The following PCNT variants were observed in gnomAD, a reference collection of about 807,000 sequenced individuals.
The protein encoded by PCNT is pericentrin.
In PCNT, 319 loss-of-function variants were observed where a neutral mutation model predicts 380.4. The observed-to-expected ratio is 0.84, with a 90% CI of 0.77 to 0.92. The LOEUF (loss-of-function observed/expected upper bound fraction) is 0.92, where lower values mean the gene tolerates loss of function less well. PCNT is among the 40% of genes least tolerant of loss of function. PCNT has a pLI of 0.00. For missense variants in PCNT, 4,400 were observed against 4,255.3 expected (o/e 1.03, Z -0.95); for synonymous variants, 1,845 against 1,735.2 (o/e 1.06, Z -1.57).
Position 46,402,453 on chromosome 21 carries a change from A to C in PCNT, c.5085A>C (p.Arg1695Ser). Residue 1695 changes from arginine (R) to serine (S), a missense_variant, in exon 27 of 47, where the codon AGA becomes AGC. Transcript: ENST00000359568. ...MQNSQTAVSLRELEEENTSLK... is the reference protein window; with the variant it reads ...MQNSQTAVSLSELEEENTSLK... ...ACAGCCAGACTGCTGTCAGCCTCAG[A>C]GAACTTGAGGAAGAGAACACGAGCT... is the stretch of plus-strand genomic sequence containing the variant. The C allele has an allele frequency of 6.2e-7, 1 of 1,614,082 alleles. No homozygotes were observed. Among genetic ancestry groups the C allele is most frequent in the East Asian group, 2.2e-5 (1 of 44,874 alleles).
rs183332009 is a variant in PCNT at position 46,374,549 on chromosome 21, C to T, written c.3166-7145C>T. Among the ~76,000 whole-genome samples the T allele has an allele frequency of 3.9e-4, 60 of 152,216 alleles. No individual in the cohort carries two copies. The East Asian group carries it at 4.1e-3, about 10-fold the overall frequency. On this transcript the variant is annotated intron_variant, in intron 15 of 46. Transcript: ENST00000359568. ...CCTGGTCTTTCCTCAGGCTTTACAC[C>T]GTGAAAAGACATAACACAAGCTGGC...
chr21:46,430,036 CAGG>C lies in PCNT; in HGVS notation c.7720_7722del (p.Glu2574del). 2 of 1,614,182 alleles carry C rather than the reference CAGG, an allele frequency of 1.2e-6. No individual in the cohort carries two copies. The highest frequency in any genetic ancestry group is 1.1e-5 in the South Asian group (1 of 91,090). ...TGAACTGCTGGCTTATAAAGTAGAG[CAGG>C]AGAAGTGCATTGCTGGTGACTTGCA... is the stretch of plus-strand genomic sequence containing the variant. On this transcript the variant is annotated inframe_deletion, in exon 36 of 47. Coordinates refer to ENST00000359568, the MANE Select transcript of PCNT (RefSeq NM_006031.6).
At position 46,428,407 on chromosome 21, in the gene PCNT, G is replaced by A. The variant is rs554282654; in HGVS notation, c.7507G>A (p.Glu2503Lys). The A allele has an allele frequency of 9.3e-6, 15 of 1,612,394 alleles. No homozygotes were observed. Among genetic ancestry groups the A allele is most frequent in the East Asian group, 4.5e-5 (2 of 44,874 alleles). ...KIIREQGDLQEKSLEHLRLPD... is the reference protein window; with the variant it reads ...KIIREQGDLQKKSLEHLRLPD... The stretch of plus-strand genomic sequence containing the variant: ...ATTGTGCCCCCAGGGAGACCTGCAG[G>A]AAAAGTCCCTGGAGCATCTTCGCTT... Residue 2503 changes from glutamate to lysine, a missense_variant, in exon 35 of 47, where the codon GAA (glutamate) becomes AAA (lysine). Glu to Lys is a moderately conservative substitution (Grantham distance 56). Transcript: ENST00000359568.
At position 46,349,806 on chromosome 21, in the gene PCNT, G is replaced by A; in HGVS notation, c.1330G>A (p.Glu444Lys). 3.1e-6 allele frequency: 5 copies of A among 1,614,174 alleles called. No homozygotes were observed. Among genetic ancestry groups the A allele is most frequent in the South Asian group, 1.1e-5 (1 of 91,088 alleles). The change falls in exon 8 of 47, where the codon GAA becomes AAA. Residue 444 changes from glutamate to lysine, a missense_variant. Physicochemically the swap from Glu to Lys is moderately conservative, Grantham distance 56. Transcript: ENST00000359568. The part of the protein sequence containing the change: ...LEFKFKESEK[E>K]KQLELENLQA... Reference sequence around the variant, plus strand: ...GTTCAAGTTCAAAGAGAGCGAGAAAGAAAAACAGCTGGAGGTGGGCAGCAG... The same window carrying A: ...GTTCAAGTTCAAAGAGAGCGAGAAAAAAAAACAGCTGGAGGTGGGCAGCAG...
chr21:46,362,773 T>C (rs1399409418), intron 13 of PCNT, among the ~76,000 whole-genome samples: 1 of 151,846 alleles, frequency 6.6e-6, no homozygotes, highest in African/African-American at 2.4e-5. Flanking sequence ...CAGAACCCTG[T>C]CTCTATAAAG....
intron 37 of PCNT, chr21:46,430,901 C>G: frequency 1.0e-6 from 1 of 985,422 alleles, no homozygotes; most frequent in Non-Finnish European, 1.2e-6. Context: ...GAGCCCCCCC[C>G]CGTCCCTGAG....
At position 46,381,730 on chromosome 21, in the gene PCNT, G is replaced by T. The variant is rs1215854055; in HGVS notation, c.3202G>T (p.Glu1068Ter). The change falls in exon 16 of 47, where the codon GAA (glutamate) becomes TAA (stop). Residue 1068 changes from glutamate (E) to a stop codon, truncating the protein, a stop_gained. Coordinates refer to ENST00000359568, the MANE Select transcript of PCNT (RefSeq NM_006031.6). LOFTEE classifies it high-confidence loss of function. ...FGSEKKTALHEKEETLRLQSA... is the reference protein window; with the variant it reads ...FGSEKKTALH ...AAGTGAAAAGAAAACTGCTTTGCAT[G>T]AAAAAGAGGAGACACTTCGGCTTCA... is the stretch of plus-strand genomic sequence containing the variant. The T allele has an allele frequency of 7.4e-6, 12 of 1,614,022 alleles. No homozygotes were observed. Among genetic ancestry groups the T allele is most frequent in the Non-Finnish European group, 1.0e-5 (12 of 1,179,964 alleles).
At chr21:46,387,933 G>A (rs1256958971) in intron 17 of PCNT, among the ~76,000 whole-genome samples, 3 of 152,052 alleles carry the variant, frequency 2.0e-5, no homozygotes, top group Admixed American at 6.5e-5. Flanking sequence ...CATCCCAGCC[G>A]GGCGCAGTGG....
In PCNT at chr21:46,398,100, G is replaced by T. The variant is rs776469760; in HGVS notation, c.4533G>T (p.Lys1511Asn). 10 of 1,602,692 alleles carry T rather than the reference G, an allele frequency of 6.2e-6. No homozygotes were observed. Among genetic ancestry groups the T allele is most frequent in the Non-Finnish European group, 8.5e-6 (10 of 1,175,584 alleles). ...AGGGGCAGCTCCGCCAGGCGGCCAA[G>T]CCGCAGCCCTGGGGCCCTCGCGACA... ...RLEGQLRQAA[K>N]PQPWGPRDSQ... Residue 1511 changes from lysine to asparagine, a missense_variant, in exon 23 of 47, where the codon AAG (lysine) becomes AAT (asparagine). Transcript: ENST00000359568.
chr21:46,432,215 G>A lies in PCNT; in HGVS notation c.8751G>A (p.Leu2917=). Residue 2917 remains leucine (L), a splice_region_variant and synonymous_variant, in exon 38 of 47, where the codon CTG becomes CTA. Transcript: ENST00000359568. ...AGTGGCAGAGAGACAAGGAGAAGCT[G>A]GTGAGAGCCGCCTGCCGGCGGAGCG... The part of the protein sequence containing the change: ...WRKWQRDKEK[L]RELELQRQRD... 1 of 1,605,860 alleles carries A rather than the reference G, an allele frequency of 6.2e-7. No homozygotes were observed. Among genetic ancestry groups the A allele is most frequent in the Non-Finnish European group, 8.5e-7 (1 of 1,177,336 alleles).
chr21:46,324,902 A>C (rs1333982398), intron 1 of PCNT: 8 of 985,338 alleles, frequency 8.1e-6, no homozygotes, highest in Non-Finnish European at 9.6e-6. Flanking sequence ...TGCAGTCCTT[A>C]CTGTGTGAAA....
Position 46,411,251 on chromosome 21 carries a change from G to C in PCNT, c.5178G>C (p.Glu1726Asp). The C allele has an allele frequency of 6.2e-7, 1 of 1,614,216 alleles. No individual in the cohort carries two copies. Residue 1726 changes from glutamate (E) to aspartate (D), a missense_variant, in exon 28 of 47, where the codon GAG (glutamate) becomes GAC (aspartate). Glu to Asp is a conservative substitution (Grantham distance 45, BLOSUM62 2). Coordinates refer to ENST00000359568, the MANE Select transcript of PCNT (RefSeq NM_006031.6). ...AAGCCACTATTGAAAATCTGCAAGA[G>C]AATCAGAAACGATTACAAAAGGAGA... ...ELKATIENLQ[E>D]NQKRLQKEKA...
intron 15 of PCNT, among the ~76,000 whole-genome samples, chr21:46,375,131 T>A (rs1333125054): frequency 6.6e-6 from 1 of 152,164 alleles, no homozygotes; most frequent in African/African-American, 2.4e-5. Flanking sequence ...TTCTTTTTGA[T>A]AGAAGTATGT....
chr21:46,324,982 C>G lies in PCNT; in HGVS notation c.54+700C>G, dbSNP rs564434644. On this transcript the variant is annotated intron_variant, in intron 1 of 46. Coordinates refer to ENST00000359568, the MANE Select transcript of PCNT (RefSeq NM_006031.6). ...GGGCTCGCGTCCTGCCCGTCCGGGC[C>G]TGGCGTACGCTGCCGGGAACCCACG... 1.0e-3 allele frequency: 836 copies of G among 833,430 alleles called. 7 individuals carry two copies. The African/African-American group carries it at 0.046, about 46-fold the overall frequency. The allele number at this position is 833,430 out of a possible 1,614,324, so 51.6% of individuals were successfully genotyped here.
At chr21:46,343,024 T>C (rs1036728835) in intron 3 of PCNT, among the ~76,000 whole-genome samples, 2 of 152,234 alleles carry the variant, frequency 1.3e-5, no homozygotes, top group Admixed American at 6.5e-5. Flanking sequence ...TTTCGTGTCC[T>C]GAAACTTTAC....
At chr21:46,420,791 G>A (rs2087218677) in intron 31 of PCNT, 1 of 152,328 alleles carries the variant, frequency 6.6e-6, no homozygotes, top group Non-Finnish European at 1.5e-5. Flanking sequence ...ACACGCTGTG[G>A]GAGCCGCAGC....
At chr21:46,375,801 C>T (rs960013423) in intron 15 of PCNT, among the ~76,000 whole-genome samples, 10 of 152,248 alleles carry the variant, frequency 6.6e-5, no homozygotes, top group Admixed American at 5.9e-4. Context: ...CCTCATTTGG[C>T]CTCCACCACC....
rs553359317 is a variant in PCNT at position 46,363,821 on chromosome 21, C to T, written c.2496C>T (p.Asp832=). ...QQLEQDLTSD[D]ALHCSQCGRE... ...TGGAACAGGACCTCACTTCAGACGA[C>T]GCCCTGCATTGCAGCCAGTGTGGGC... is the stretch of plus-strand genomic sequence containing the variant. Residue 832 remains aspartate, a synonymous_variant, in exon 14 of 47, where the codon GAC becomes GAT. Coordinates refer to ENST00000359568, the MANE Select transcript of PCNT (RefSeq NM_006031.6). 34 of 1,612,480 alleles carry T rather than the reference C, an allele frequency of 2.1e-5. No homozygotes were observed. Among genetic ancestry groups the T allele is most frequent in the East Asian group, 2.0e-4 (9 of 44,872 alleles).
chr21:46,380,123 T>C (rs2085466896), intron 15 of PCNT, among the ~76,000 whole-genome samples: 1 of 150,606 alleles, frequency 6.6e-6, no homozygotes, highest in Admixed American at 6.6e-5. Context: ...ACTGACTGTT[T>C]CCAACCGGTG....
Sources: gnomAD v4.1 joint callset for allele counts (sites outside exome capture counted in the v4.1 genomes callset) on GRCh38, gnomAD v4.1.1 for gene constraint, MANE v1.5 for transcripts, NCBI Gene and HGNC (gene_info 2026-07-23, HGNC 2026-07-21) for gene names.